The following RAPGEF6 variants were observed in gnomAD, a reference collection of about 807,000 sequenced individuals.
The protein encoded by RAPGEF6 is Rap guanine nucleotide exchange factor 6, also known as PDZ domain containing guanine nucleotide exchange factor (GEF) 2.
RAPGEF6 carries 56 observed loss-of-function variants against 171.4 expected under a neutral mutation model. That is an observed-to-expected ratio of 0.33 (90% CI 0.26 to 0.41). RAPGEF6 has a LOEUF of 0.41. Ranked by LOEUF, RAPGEF6 falls within the 10% of genes least tolerant of loss-of-function variation. The probability of loss-of-function intolerance (pLI) is 1.00; values close to 1 mark genes in which losing one functional copy is unlikely to be tolerated. For synonymous variants in RAPGEF6, 692 were observed against 650.1 expected, an observed-to-expected ratio of 1.06 and a Z score of -0.98; for missense variants, 1,674 against 1,921.4, an observed-to-expected ratio of 0.87 and a Z score of 2.41.
intron 6 of RAPGEF6, chr5:131,532,936 A>C (rs1334955553): frequency 6.6e-6 from 1 of 152,600 alleles, no homozygotes; most frequent in Non-Finnish European, 1.5e-5. Context: ...ACTGAATGTT[A>C]GTGTCTTAAT....
At chr5:131,457,229 C>T (rs1219639189) in intron 19 of RAPGEF6, among the ~76,000 whole-genome samples, 1 of 152,098 alleles carries the variant, frequency 6.6e-6, no homozygotes, top group East Asian at 1.9e-4. Flanking sequence ...TACCACAATG[C>T]CTGGCTAATT....
At chr5:131,515,077 A>C (rs1219033613) in intron 7 of RAPGEF6, among the ~76,000 whole-genome samples, 1 of 152,188 alleles carries the variant, frequency 6.6e-6, no homozygotes, top group Non-Finnish European at 1.5e-5. Context: ...ACCAGAGGAT[A>C]TCCTTTTCCT....
intron 3 of RAPGEF6, among the ~76,000 whole-genome samples, chr5:131,593,311 C>A (rs1466539684): frequency 2.0e-5 from 3 of 152,206 alleles, no homozygotes; most frequent in African/African-American, 7.2e-5. Context: ...GAATTTACCA[C>A]AGAGAAATCA....
chr5:131,532,017 G>A, intron 6 of RAPGEF6: 1 of 340,426 alleles, frequency 2.9e-6, no homozygotes, highest in Non-Finnish European at 5.7e-6. Flanking sequence ...GTTTAGAAAA[G>A]AGCGCAATAA....
At chr5:131,461,442 T>C (rs1460909363) in intron 19 of RAPGEF6, among the ~76,000 whole-genome samples, 1 of 150,642 alleles carries the variant, frequency 6.6e-6, no homozygotes, top group African/African-American at 2.4e-5. Context: ...AGGCGGGGGG[T>C]TGGAGATGAA....
intron 3 of RAPGEF6, among the ~76,000 whole-genome samples, chr5:131,597,409 G>A (rs960830120): frequency 6.6e-6 from 1 of 151,910 alleles, no homozygotes; most frequent in Non-Finnish European, 1.5e-5. Context: ...AGAAATATCT[G>A]CACTCCCATA....
chr5:131,619,090 G>A (rs540865683), intron 1 of RAPGEF6, among the ~76,000 whole-genome samples: 2 of 152,114 alleles, frequency 1.3e-5, no homozygotes, highest in East Asian at 3.9e-4. Context: ...GGAGACTATG[G>A]TAACCAAATG....
chr5:131,620,672 C>A (rs1580691638), intron 1 of RAPGEF6, among the ~76,000 whole-genome samples: 1 of 151,876 alleles, frequency 6.6e-6, no homozygotes, highest in Non-Finnish European at 1.5e-5. Context: ...CTGACTGCAA[C>A]CTCCGCCTCC....
intron 4 of RAPGEF6, among the ~76,000 whole-genome samples, chr5:131,592,098 C>T (rs546313034): frequency 2.6e-5 from 4 of 152,198 alleles, no homozygotes; most frequent in East Asian, 3.9e-4. Flanking sequence ...TCAGGTGATC[C>T]GCCCGCATCA....
chr5:131,431,146 T>G lies in RAPGEF6; in HGVS notation c.4178A>C (p.His1393Pro). 1 of 1,614,220 alleles carries G rather than the reference T, an allele frequency of 6.2e-7. No individual in the cohort carries two copies. Residue 1393 changes from histidine (H) to proline (P), a missense_variant, in exon 26 of 28, where the codon CAT (histidine) becomes CCT (proline). His to Pro is a moderately conservative substitution (Grantham distance 77). Transcript: ENST00000509018. ...AGCAATGGGGTCATCCAAATGGGTA[T>G]GTCTGTAAGAGTTCAAAAAATCCCA... ...KSWDFLNSYRHTHLDDPIAEV... is the reference protein window; with the variant it reads ...KSWDFLNSYRPTHLDDPIAEV...
chr5:131,554,211 CT>C (rs1163865877), intron 5 of RAPGEF6, among the ~76,000 whole-genome samples: 1 of 151,920 alleles, frequency 6.6e-6, no homozygotes, highest in Non-Finnish European at 1.5e-5. Flanking sequence ...CAAAACAATC[CT>C]CCAAGAATGA....
chr5:131,595,961 T>C (rs995818441), intron 3 of RAPGEF6, among the ~76,000 whole-genome samples: 3 of 152,120 alleles, frequency 2.0e-5, no homozygotes, highest in Non-Finnish European at 4.4e-5. Flanking sequence ...AAGACCAGCC[T>C]GGCCAACATG....
intron 19 of RAPGEF6, among the ~76,000 whole-genome samples, chr5:131,456,686 T>C (rs1753533127): frequency 6.6e-6 from 1 of 152,194 alleles, no homozygotes; most frequent in Non-Finnish European, 1.5e-5. Flanking sequence ...ATAGTGTATA[T>C]ACAATGCCTC....
rs192221999 is a variant in RAPGEF6, at chr5:131,533,296, G to C, written c.496-11775C>G. On this transcript the variant is annotated intron_variant, in intron 6 of 27. Transcript: ENST00000509018. The stretch of plus-strand genomic sequence containing the variant: ...GCTTGAGCACCCTTTCTACTTCACA[G>C]TTTTAAAAATCCATTTTGATTTTTA... 3.6e-4 allele frequency among the ~76,000 whole-genome samples: 55 copies of C among 151,442 alleles called. 1 individual carries two copies. Among genetic ancestry groups the C allele is most frequent in the Admixed American group, 3.3e-3 (50 of 15,176 alleles).
chr5:131,501,843 T>C (rs1051693810), intron 11 of RAPGEF6, among the ~76,000 whole-genome samples: 3 of 152,104 alleles, frequency 2.0e-5, no homozygotes, highest in South Asian at 4.1e-4. Flanking sequence ...TTGTAACTCA[T>C]GGTTGTTTAA....
At chr5:131,435,900 A>G (rs1751978719) in intron 24 of RAPGEF6, 2 of 1,480,088 alleles carry the variant, frequency 1.4e-6, no homozygotes, top group South Asian at 2.7e-5. Flanking sequence ...AGCCATGTAT[A>G]CATTAATAAC....
intron 4 of RAPGEF6, among the ~76,000 whole-genome samples, chr5:131,571,724 A>T (rs9327617): frequency 0.074 from 11,214 of 152,206 alleles, 850 homozygotes; most frequent in African/African-American, 0.19. Context: ...TGATGCTAGA[A>T]ATCATACGGA....
chr5:131,628,801 T>C (rs1480778745), intron 1 of RAPGEF6, among the ~76,000 whole-genome samples: 1 of 152,208 alleles, frequency 6.6e-6, no homozygotes, highest in East Asian at 1.9e-4. Flanking sequence ...CTATTCTGCC[T>C]GTGCTCAGTA....
intron 6 of RAPGEF6, among the ~76,000 whole-genome samples, chr5:131,529,564 A>C (rs1009563985): frequency 1.3e-5 from 2 of 152,086 alleles, no homozygotes; most frequent in Non-Finnish European, 2.9e-5. Flanking sequence ...TAGGGGAACA[A>C]AACATTAGGC....
Sources: gnomAD v4.1 joint callset for allele counts (sites outside exome capture counted in the v4.1 genomes callset) on GRCh38, gnomAD v4.1.1 for gene constraint, MANE v1.5 for transcripts, NCBI Gene and HGNC (gene_info 2026-07-23, HGNC 2026-07-21) for gene names.